The following QPRT variants were observed in gnomAD, a reference collection of about 807,000 sequenced individuals.
QPRT encodes the protein nicotinate-nucleotide pyrophosphorylase [carboxylating].
In QPRT, 17 loss-of-function variants were observed where a neutral mutation model predicts 19.8. That is an observed-to-expected ratio of 0.86 (90% CI 0.59 to 1.29). QPRT has a LOEUF of 1.29. QPRT is among the 50% of genes most tolerant of loss of function. The pLI is 0.00. For synonymous variants in QPRT, 178 were observed against 191.0 expected, an observed-to-expected ratio of 0.93 and a Z score of 0.56; for missense variants, 336 against 405.1, an observed-to-expected ratio of 0.83 and a Z score of 1.46.
intron 1 of QPRT, among the ~76,000 whole-genome samples, chr16:29,679,959 CTT>C (rs1267778902): frequency 1.4e-4 from 19 of 134,396 alleles, no homozygotes; most frequent in Non-Finnish European, 1.4e-4. Flanking sequence ...CTAAGATAAT[CTT>C]TTTTTTTTTT....
chr16:29,685,782 T>C (rs1031766919), intron 1 of QPRT, among the ~76,000 whole-genome samples: 4 of 152,200 alleles, frequency 2.6e-5, no homozygotes, highest in African/African-American at 9.6e-5. Context: ...GGAGGACTGC[T>C]TGAGCCCAGG....
In QPRT at chr16:29,697,571, G is replaced by T; in HGVS notation, c.*160G>T. On this transcript the variant is annotated 3_prime_UTR_variant, in exon 4 of 4. Coordinates refer to ENST00000395384, the MANE Select transcript of QPRT (RefSeq NM_014298.6). This position sits in a 1 kb window ranked among gnomAD's most constrained non-coding sequence, Gnocchi z 4.4. The stretch of plus-strand genomic sequence containing the variant: ...CCTGCTGCTCCTGTGACCTGTCAGG[G>T]CTGACTTCACCTCTGCTCATCTCAG... 1.4e-6 allele frequency: 1 copy of T among 715,424 alleles called. No homozygotes were observed. Among genetic ancestry groups the T allele is most frequent in the Non-Finnish European group, 2.3e-6 (1 of 441,410 alleles). The allele number at this position is 715,424 out of a possible 1,614,324, so 44.3% of individuals were successfully genotyped here.
Position 29,695,096 on chromosome 16 carries a change from A to C in QPRT, c.446A>C (p.Lys149Thr). The C allele has an allele frequency of 1.2e-6, 2 of 1,604,444 alleles. No homozygotes were observed. The highest frequency in any genetic ancestry group is 8.5e-7 in the Non-Finnish European group (1 of 1,177,126). Residue 149 changes from lysine (K) to threonine (T), a missense_variant, in exon 2 of 4, where the codon AAG becomes ACG. Coordinates refer to ENST00000395384, the MANE Select transcript of QPRT (RefSeq NM_014298.6). The part of the protein sequence containing the change: ...KTTPGFRLVE[K>T]YGLLVGGAAS... ...ACGCCAGGCTTCCGGCTGGTGGAGA[A>C]GTATGGGCTCCTGGTGGGCGGGGCC...
intron 1 of QPRT, among the ~76,000 whole-genome samples, chr16:29,691,546 C>T (rs1379782078): frequency 6.6e-6 from 1 of 151,636 alleles, no homozygotes; most frequent in East Asian, 1.9e-4. Context: ...ATTAGCCGGG[C>T]ATGGTTGGTG....
chr16:29,686,512 T>C (rs774648819), intron 1 of QPRT, among the ~76,000 whole-genome samples: 3 of 152,210 alleles, frequency 2.0e-5, no homozygotes, highest in Non-Finnish European at 2.9e-5. Flanking sequence ...GTTTTTTGTT[T>C]TTGAGACGCA....
chr16:29,683,002 T>C (rs1596785800), intron 1 of QPRT, among the ~76,000 whole-genome samples: 1 of 151,534 alleles, frequency 6.6e-6, no homozygotes, highest in South Asian at 2.1e-4. Flanking sequence ...GGATTACAGG[T>C]ATGAGCCACC....
intron 1 of QPRT, among the ~76,000 whole-genome samples, chr16:29,682,560 T>TA (rs1451643442): frequency 6.6e-6 from 1 of 151,854 alleles, no homozygotes; most frequent in Non-Finnish European, 1.5e-5. Flanking sequence ...TTTTTTTTTT[T>TA]AGTAGAGATG....
In QPRT at chr16:29,695,160, G is replaced by A; in HGVS notation, c.510G>A (p.Val170=). 1 of 1,571,618 alleles carries A rather than the reference G, an allele frequency of 6.4e-7. No individual in the cohort carries two copies. Among genetic ancestry groups the A allele is most frequent in the Non-Finnish European group, 8.6e-7 (1 of 1,158,744 alleles). The change falls in exon 2 of 4, where the codon GTG becomes GTA. Residue 170 remains valine, a synonymous_variant. Coordinates refer to ENST00000395384, the MANE Select transcript of QPRT (RefSeq NM_014298.6). ...HRYDLGGLVM[V]KDNHVVAAGG... is the part of the protein sequence containing the mutation. ...ACGACCTGGGAGGGCTGGTGATGGTGAAGGATAACCATGTGGTGGCCGCCG... is the reference window on the plus strand; with the variant it reads ...ACGACCTGGGAGGGCTGGTGATGGTAAAGGATAACCATGTGGTGGCCGCCG...
Position 29,697,142 on chromosome 16 carries a change from G to A in QPRT, c.681+15G>A, listed in dbSNP as rs1194529567. 1 of 1,599,716 alleles carries A rather than the reference G, an allele frequency of 6.3e-7. No individual in the cohort carries two copies. The highest frequency in any genetic ancestry group is 8.6e-7 in the Non-Finnish European group (1 of 1,169,458). The stretch of plus-strand genomic sequence containing the variant: ...TCAAGCCAGAGGTAAGGTGGGCTCT[G>A]CCTCCGGGGAGGGATCTGTGGTGGG... On this transcript the variant is annotated intron_variant, in intron 3 of 3. Coordinates refer to ENST00000395384, the MANE Select transcript of QPRT (RefSeq NM_014298.6). This position sits in a 1 kb window ranked among gnomAD's most constrained non-coding sequence, Gnocchi z 4.4.
rs763767975 is a variant in QPRT at position 29,694,887 on chromosome 16, G to A, written c.237G>A (p.Ser79=). The A allele has an allele frequency of 3.5e-5, 57 of 1,613,928 alleles. No individual in the cohort carries two copies. Among genetic ancestry groups the A allele is most frequent in the Middle Eastern group, 1.6e-4 (1 of 6,084 alleles). ...TCTCCTGGTTCCTCCCCGAGGGATC[G>A]AAGCTGGTGCCGGTGGCCAGAGTGG... ...CQVSWFLPEG[S]KLVPVARVAE... is the part of the protein sequence containing the mutation. Residue 79 remains serine (S), a synonymous_variant, in exon 2 of 4, where the codon TCG becomes TCA. Transcript: ENST00000395384.
At position 29,696,998 on chromosome 16, in the gene QPRT, G is replaced by A. The variant is rs751915291; in HGVS notation, c.552G>A (p.Ala184=). Residue 184 remains alanine (A), a splice_region_variant and synonymous_variant, in exon 3 of 4, where the codon GCG becomes GCA. Coordinates refer to ENST00000395384, the MANE Select transcript of QPRT (RefSeq NM_014298.6). ...HVVAAGGVEK[A]VRAARQAADF... The stretch of plus-strand genomic sequence containing the variant: ...TTGTCCTCCCGGCTGCCCAGCAGGC[G>A]GTGCGGGCGGCCAGACAGGCGGCTG... 5.0e-6 allele frequency: 8 copies of A among 1,601,492 alleles called. No individual in the cohort carries two copies. The highest frequency in any genetic ancestry group is 1.7e-5 in the Admixed American group (1 of 59,242).
chr16:29,686,968 A>G (rs1596789848), intron 1 of QPRT, among the ~76,000 whole-genome samples: 1 of 152,360 alleles, frequency 6.6e-6, no homozygotes, highest in South Asian at 2.1e-4. Context: ...ATTGCTAGGC[A>G]TGGAGGCAAC....
rs1485655329 is a variant in QPRT, at chr16:29,694,959, G to A, written c.309G>A (p.Val103=). 1 of 1,610,484 alleles carries A rather than the reference G, an allele frequency of 6.2e-7. No homozygotes were observed. The highest frequency in any genetic ancestry group is 1.7e-5 in the Admixed American group (1 of 60,000). The change falls in exon 2 of 4, where the codon GTG becomes GTA. Residue 103 remains valine (V), a synonymous_variant. Coordinates refer to ENST00000395384, the MANE Select transcript of QPRT (RefSeq NM_014298.6). ...PAHCLLLGER[V]ALNTLARCSG... ...ACTGCCTGCTGCTGGGGGAACGGGT[G>A]GCCCTCAACACGCTGGCCCGCTGCA...
intron 1 of QPRT, among the ~76,000 whole-genome samples, chr16:29,680,955 AT>A (rs1327715358): frequency 2.6e-5 from 4 of 152,008 alleles, no homozygotes; most frequent in African/African-American, 9.7e-5. Flanking sequence ...AAAAAGGAAA[AT>A]AAATAGTTCC....
At chr16:29,686,933 AC>A (rs1382706001) in intron 1 of QPRT, among the ~76,000 whole-genome samples, 1 of 152,204 alleles carries the variant, frequency 6.6e-6, no homozygotes, top group East Asian at 1.9e-4. Flanking sequence ...CTCATTGAGC[AC>A]CTGCACTGTG....
At chr16:29,693,276 C>G (rs2142309230) in intron 1 of QPRT, among the ~76,000 whole-genome samples, 1 of 152,164 alleles carries the variant, frequency 6.6e-6, no homozygotes, top group East Asian at 1.9e-4. Flanking sequence ...TCCCCATCAT[C>G]CTTTTTTTTG....
At chr16:29,687,648 G>A (rs937422922) in intron 1 of QPRT, among the ~76,000 whole-genome samples, 3 of 152,180 alleles carry the variant, frequency 2.0e-5, no homozygotes, top group Non-Finnish European at 2.9e-5. Context: ...TCAGGAGGCT[G>A]AGGCAGGAGA....
Position 29,694,793 on chromosome 16 carries a change from C to T in QPRT, c.143C>T (p.Ala48Val). The T allele has an allele frequency of 6.2e-7, 1 of 1,614,000 alleles. No individual in the cohort carries two copies. Among genetic ancestry groups the T allele is most frequent in the Admixed American group, 1.7e-5 (1 of 60,030 alleles). ...GGCCCCTCGCAGGCGGCGCTGTGGG[C>T]CAAATCCCCTGGGGTACTGGCAGGG... ...GAGPSQAALW[A>V]KSPGVLAGQP... Residue 48 changes from alanine (A) to valine (V), a missense_variant, in exon 2 of 4, where the codon GCC (alanine) becomes GTC (valine). Ala to Val is a moderately conservative substitution (Grantham distance 64). Transcript: ENST00000395384.
At chr16:29,681,493 CTTTTTTTTT>C (rs10680462) in intron 1 of QPRT, among the ~76,000 whole-genome samples, 2 of 97,152 alleles carry the variant, frequency 2.1e-5, no homozygotes, top group African/African-American at 4.2e-5. Flanking sequence ...GATCCAGATT[CTTTTTTTTT>C]TTTTTTTTTT....
Sources: allele counts gnomAD v4.1 joint callset (sites outside exome capture counted in the v4.1 genomes callset), GRCh38; gene constraint gnomAD v4.1.1; non-coding constraint Gnocchi (gnomAD v3.1); transcripts MANE v1.5; gene names NCBI Gene and HGNC (gene_info 2026-07-23, HGNC 2026-07-21).